The following SNX9 variants were observed in gnomAD, a reference collection of about 807,000 sequenced individuals.
SNX9 encodes sorting nexin-9.
A neutral mutation model predicts 89.4 loss-of-function variants in SNX9; 44 were observed. The observed-to-expected ratio is 0.49, with a 90% CI of 0.39 to 0.63. The LOEUF (loss-of-function observed/expected upper bound fraction) is 0.63. Ranked by LOEUF, SNX9 falls within the 30% of genes least tolerant of loss-of-function variation. The probability of loss-of-function intolerance (pLI) is 0.00; values close to 1 mark genes in which losing one functional copy is unlikely to be tolerated. For missense variants in SNX9, 578 were observed against 736.1 expected (o/e 0.79, Z 2.49); for synonymous variants, 236 against 247.8 (o/e 0.95, Z 0.45).
chr6:157,847,862 T>G (rs1400119203), intron 1 of SNX9, among the ~76,000 whole-genome samples: 1 of 152,204 alleles, frequency 6.6e-6, no homozygotes, highest in Non-Finnish European at 1.5e-5. Flanking sequence ...AAGGTATTAA[T>G]TTTTATAACT....
At chr6:157,844,896 TCGTCC>T (rs1781775941) in intron 1 of SNX9, among the ~76,000 whole-genome samples, 1 of 151,738 alleles carries the variant, frequency 6.6e-6, no homozygotes, top group Non-Finnish European at 1.5e-5. Context: ...CGCCTGGCCG[TCGTCC>T]TTGTTTTAAA....
intron 10 of SNX9, among the ~76,000 whole-genome samples, chr6:157,923,760 T>C (rs1356845886): frequency 2.0e-5 from 3 of 152,144 alleles, no homozygotes; most frequent in Admixed American, 6.5e-5. Context: ...AACCAACCAG[T>C]AGAGCAGAGT....
At chr6:157,840,441 T>TCTTTCCTTTCCTTCCTTC (rs1164303586) in intron 1 of SNX9, among the ~76,000 whole-genome samples, 4 of 149,830 alleles carry the variant, frequency 2.7e-5, no homozygotes, top group African/African-American at 7.5e-5. Context: ...TTCTTTCCTT[T>TCTTTCCTTTCCTTCCTTC]CTTTCCTTTC....
At position 157,927,221 on chromosome 6, in the gene SNX9, G is replaced by C; in HGVS notation, c.1184+7G>C. The stretch of plus-strand genomic sequence containing the variant: ...ACTTGGACTTAGTAGAAATGTGAGA[G>C]ACGCTGCCAGGTTTTCTTTCTTCTC... On this transcript the variant is annotated splice_region_variant and intron_variant, in intron 11 of 17. Transcript: ENST00000392185. The C allele has an allele frequency of 6.3e-7, 1 of 1,593,070 alleles. No individual in the cohort carries two copies. Among genetic ancestry groups the C allele is most frequent in the Non-Finnish European group, 8.6e-7 (1 of 1,161,016 alleles).
At chr6:157,933,996 T>C (rs996373796) in intron 13 of SNX9, among the ~76,000 whole-genome samples, 14 of 152,244 alleles carry the variant, frequency 9.2e-5, no homozygotes, top group African/African-American at 2.7e-4. Flanking sequence ...TGACTGGCTT[T>C]TCTCCCATTA....
chr6:157,864,787 T>G (rs1186702383), intron 1 of SNX9, among the ~76,000 whole-genome samples: 1 of 151,260 alleles, frequency 6.6e-6, no homozygotes, highest in African/African-American at 2.4e-5. Flanking sequence ...CCCAGTATTT[T>G]GGGAGGCCGA....
intron 1 of SNX9, among the ~76,000 whole-genome samples, chr6:157,863,784 G>C (rs1324810123): frequency 6.6e-6 from 1 of 152,148 alleles, no homozygotes; most frequent in African/African-American, 2.4e-5. Context: ...GAGAAAAGAG[G>C]GGTGCTGGGA....
In SNX9 at chr6:157,840,411, CTTTCTTTCT is replaced by C. The variant is rs1173476650; in HGVS notation, c.12+16983_12+16991del. 3.1e-4 allele frequency among the ~76,000 whole-genome samples: 37 copies of C among 119,554 alleles called. 4 individuals carry two copies. The highest frequency in any genetic ancestry group is 7.6e-3 in the Middle Eastern group (2 of 264). 78.4% of individuals were successfully genotyped at this position (119,554 alleles called of 152,430 possible). A position where few individuals can be genotyped will look rare whatever the true frequency, so the allele number is the denominator to read the frequency against. On this transcript the variant is annotated intron_variant, in intron 1 of 17. Coordinates refer to ENST00000392185, the MANE Select transcript of SNX9 (RefSeq NM_016224.5). Reference sequence around the variant, plus strand: ...GACTGACTTTTACAAAAAATACTTTCTTTCTTTCTTTTCTTTCTTTTCTTTCCTTTCTTT... The same window carrying C: ...GACTGACTTTTACAAAAAATACTTTCTTTCTTTCTTTTCTTTCCTTTCTTT...
chr6:157,913,226 A>T (rs1176816162), intron 9 of SNX9, among the ~76,000 whole-genome samples: 1 of 152,158 alleles, frequency 6.6e-6, no homozygotes, highest in Admixed American at 6.5e-5. Context: ...GTCTAGACTC[A>T]TTGTTCTGTT....
At chr6:157,909,446 T>C (rs2235843) in intron 7 of SNX9, among the ~76,000 whole-genome samples, 35,199 of 152,082 alleles carry the variant, frequency 0.23, 4,244 homozygotes, top group African/African-American at 0.28. Context: ...GCTGAGCTAC[T>C]CACGTGGGAG....
intron 1 of SNX9, among the ~76,000 whole-genome samples, chr6:157,856,361 C>G (rs972797771): frequency 6.6e-6 from 1 of 152,186 alleles, no homozygotes; most frequent in African/African-American, 2.4e-5. Context: ...CATCAAGACC[C>G]CATCAGTGTC....
At chr6:157,882,274 C>T (rs1220243743) in intron 4 of SNX9, among the ~76,000 whole-genome samples, 1 of 152,174 alleles carries the variant, frequency 6.6e-6, no homozygotes, top group Non-Finnish European at 1.5e-5. Flanking sequence ...TTCAAGCCCA[C>T]TGTTGAGACC....
intron 1 of SNX9, among the ~76,000 whole-genome samples, chr6:157,826,806 TTATA>T (rs1400889471): frequency 9.8e-6 from 1 of 101,926 alleles, no homozygotes; most frequent in African/African-American, 6.0e-5. Context: ...ATATTATATT[TTATA>T]TATAAATATA....
rs1049482506 is a variant in SNX9 at position 157,926,475 on chromosome 6, G to A, written c.1081-636G>A. Among the ~76,000 whole-genome samples, 7 of 152,082 alleles carry A rather than the reference G, an allele frequency of 4.6e-5. No homozygotes were observed. In the South Asian group the frequency reaches 6.2e-4, roughly 14 times the overall value. On this transcript the variant is annotated intron_variant, in intron 10 of 17. Transcript: ENST00000392185. Reference sequence around the variant, plus strand: ...AAAACAGATAACCTAAATATTTGAGGCACTAGGTCAGAATGCATAGGGTGG... The same window carrying A: ...AAAACAGATAACCTAAATATTTGAGACACTAGGTCAGAATGCATAGGGTGG...
At chr6:157,898,964 C>G (rs996543127) in intron 5 of SNX9, among the ~76,000 whole-genome samples, 4 of 152,152 alleles carry the variant, frequency 2.6e-5, no homozygotes, top group African/African-American at 9.7e-5. Context: ...ATAGTTTGTT[C>G]TTCTCCCATT....
intron 3 of SNX9, 78 bp downstream of exon 3, chr6:157,873,254 G>A: frequency 8.2e-7 from 1 of 1,219,712 alleles, no homozygotes; most frequent in South Asian, 2.1e-5. Flanking sequence ...CTTACAAGAA[G>A]TCAGCAACTT....
intron 7 of SNX9, among the ~76,000 whole-genome samples, chr6:157,907,537 G>A (rs1000545562): frequency 2.6e-5 from 4 of 152,146 alleles, no homozygotes; most frequent in African/African-American, 9.7e-5. Flanking sequence ...GCCCACATTG[G>A]CCTCCCAAAG....
At chr6:157,831,307 G>A (rs1220920597) in intron 1 of SNX9, among the ~76,000 whole-genome samples, 1 of 152,168 alleles carries the variant, frequency 6.6e-6, no homozygotes, top group African/African-American at 2.4e-5. Context: ...CTTCCAGGGA[G>A]GATTTGTGTG....
At chr6:157,871,546 G>C (rs926009633) in intron 2 of SNX9, among the ~76,000 whole-genome samples, 2 of 152,054 alleles carry the variant, frequency 1.3e-5, no homozygotes, top group East Asian at 3.9e-4. Context: ...GAGGAGGGGG[G>C]AGGGATAGCA....
Sources: gnomAD v4.1 joint callset for allele counts (sites outside exome capture counted in the v4.1 genomes callset) on GRCh38, gnomAD v4.1.1 for gene constraint, MANE v1.5 for transcripts, NCBI Gene and HGNC (gene_info 2026-07-23, HGNC 2026-07-21) for gene names.